The following ARHGEF40 variants were observed in gnomAD, a reference collection of about 807,000 sequenced individuals.
The protein encoded by ARHGEF40 is Rho guanine nucleotide exchange factor (GEF) 40.
In ARHGEF40, 98 loss-of-function variants were observed where a neutral mutation model predicts 165.9. That is an observed-to-expected ratio of 0.59 (90% CI 0.50 to 0.70). ARHGEF40 has a LOEUF of 0.70. Among genes scored for constraint, ARHGEF40 ranks in the 30% least tolerant of loss-of-function variants. The pLI, the probability that ARHGEF40 is intolerant of heterozygous loss-of-function variation, is 0.00. For missense variants in ARHGEF40, 1,815 were observed against 1,968.0 expected, an observed-to-expected ratio of 0.92 and a Z score of 1.47; for synonymous variants, 792 against 814.3, an observed-to-expected ratio of 0.97 and a Z score of 0.47.
intron 11 of ARHGEF40, among the ~76,000 whole-genome samples, chr14:21,080,303 G>A (rs527808871): frequency 2.0e-5 from 3 of 151,548 alleles, no homozygotes; most frequent in Admixed American, 6.6e-5. Flanking sequence ...CTCACCAGTT[G>A]CCAAGGCTTG....
intron 11 of ARHGEF40, 50 bp from the exon 12 acceptor site, chr14:21,080,610 C>T (rs1359379530): frequency 6.4e-7 from 1 of 1,572,542 alleles, no homozygotes; most frequent in Admixed American, 1.8e-5. Flanking sequence ...TCAGCCCTTC[C>T]TTGCCTTTCC....
intron 5 of ARHGEF40, 36 bp from the exon 6 acceptor site, chr14:21,076,324 A>G: frequency 6.3e-7 from 1 of 1,576,646 alleles, no homozygotes; most frequent in Middle Eastern, 1.7e-4. Context: ...CAAAACACAC[A>G]CACAGCAGCC....
At chr14:21,085,636 C>T (rs539185881) in intron 18 of ARHGEF40, 53 bp from the exon 19 acceptor site, 86 of 1,576,624 alleles carry the variant, frequency 5.5e-5, no homozygotes, top group Non-Finnish European at 6.6e-5. Context: ...CATGTGGCGC[C>T]ACCCAGCCAG....
chr14:21,066,213 CAGAAA>C (rs1886253795), upstream of ARHGEF40, among the ~76,000 whole-genome samples: 2 of 151,814 alleles, frequency 1.3e-5, no homozygotes, highest in Admixed American at 6.6e-5. Flanking sequence ...AAAGATGAGG[CAGAAA>C]AGAAAAGGAG....
chr14:21,081,599 G>T lies in ARHGEF40; in HGVS notation c.2731G>T (p.Ala911Ser). 6.2e-7 allele frequency: 1 copy of T among 1,611,254 alleles called. No individual in the cohort carries two copies. Among genetic ancestry groups the T allele is most frequent in the Non-Finnish European group, 8.5e-7 (1 of 1,179,296 alleles). ...GCTGGCTGCACTGGCCCTGCGGCGGGCCCCAGAGCCCAGTGCCGGCACCTT... is the reference window on the plus strand; with the variant it reads ...GCTGGCTGCACTGGCCCTGCGGCGGTCCCCAGAGCCCAGTGCCGGCACCTT... The part of the protein sequence containing the change: ...AVLAALALRR[A>S]PEPSAGTFQE... Residue 911 changes from alanine to serine, a missense_variant, in exon 14 of 24, where the codon GCC becomes TCC. Physicochemically the swap from Ala to Ser is moderately conservative, Grantham distance 99. Transcript: ENST00000298694.
At chr14:21,086,950 G>A (rs1197963835) in intron 19 of ARHGEF40, 51 bp from the exon 20 acceptor site, 3 of 1,463,302 alleles carry the variant, frequency 2.1e-6, no homozygotes, top group Admixed American at 1.9e-5. Flanking sequence ...ACATGCTAGG[G>A]CTAGAGAGAA....
In ARHGEF40 at chr14:21,089,934, C is replaced by T. The variant is rs902823908; in HGVS notation, c.*926C>T. The T allele has an allele frequency of 1.3e-5, 3 of 222,796 alleles. No individual in the cohort carries two copies. The highest frequency in any genetic ancestry group is 5.2e-5 in the Admixed American group (1 of 19,230). 13.8% of individuals were successfully genotyped at this position (222,796 alleles called of 1,614,324 possible). ...TTGGGCCCCATCAGAGCTACTGCAT[C>T]GAAACCTGGGGGTAAAACCCAATAT... On this transcript the variant is annotated 3_prime_UTR_variant, in exon 24 of 24. Transcript: ENST00000298694.
intron 19 of ARHGEF40, chr14:21,086,174 T>A (rs1888316168): frequency 3.1e-6 from 1 of 325,964 alleles, no homozygotes; most frequent in African/African-American, 2.1e-5. Context: ...GGCCAGGTGT[T>A]CAAGACCAGC....
chr14:21,061,942 A>T, the ARHGEF40 span, among the ~76,000 whole-genome samples: 70 of 152,238 alleles, frequency 4.6e-4, no homozygotes, highest in Admixed American at 1.7e-3. Flanking sequence ...TGCCCAAATT[A>T]CTTTATAAGG....
chr14:21,062,141 A>C, the ARHGEF40 span, among the ~76,000 whole-genome samples: 1 of 152,254 alleles, frequency 6.6e-6, no homozygotes, highest in Non-Finnish European at 1.5e-5. Flanking sequence ...AGGAAACATA[A>C]GTGTTAAAAA....
intron 21 of ARHGEF40, 55 bp downstream of exon 21, chr14:21,087,518 C>G: frequency 6.3e-7 from 1 of 1,584,730 alleles, no homozygotes; most frequent in Non-Finnish European, 8.6e-7. Flanking sequence ...TGGTGATGTT[C>G]AGGCTGCTTG....
Position 21,073,132 on chromosome 14 carries a change from C to T in ARHGEF40, c.91C>T (p.Gln31Ter), listed in dbSNP as rs777137642. The change falls in exon 2 of 24, where the codon CAG (glutamine) becomes TAG (stop). Residue 31 changes from glutamine (Q) to a stop codon, truncating the protein, a stop_gained. Coordinates refer to ENST00000298694, the MANE Select transcript of ARHGEF40 (RefSeq NM_018071.5). LOFTEE classifies it high-confidence loss of function. This position sits in a 1 kb window ranked among gnomAD's most constrained non-coding sequence, Gnocchi z 4.6. ...GGCAACAGCCCCCACCCTGTTGGGCCAGGTGTTCCAGGTGGTGGAGAGGAC... is the reference window on the plus strand; with the variant it reads ...GGCAACAGCCCCCACCCTGTTGGGCTAGGTGTTCCAGGTGGTGGAGAGGAC... ...FEATAPTLLG[Q>*]VFQVVERTYR... is the part of the protein sequence containing the mutation. The T allele has an allele frequency of 2.5e-6, 4 of 1,614,058 alleles. No individual in the cohort carries two copies. In the Admixed American group the frequency reaches 6.7e-5, roughly 27 times the overall value.
chr14:21,078,360 T>C lies in ARHGEF40; in HGVS notation c.2131-13T>C. The C allele has an allele frequency of 6.3e-7, 1 of 1,598,490 alleles. No individual in the cohort carries two copies. The highest frequency in any genetic ancestry group is 8.5e-7 in the Non-Finnish European group (1 of 1,170,576). On this transcript the variant is annotated splice_polypyrimidine_tract_variant and intron_variant, in intron 9 of 23. Transcript: ENST00000298694. ...TGGTGGAACCCCAACTGGCAACTCC[T>C]CCCTATCCCCAGGAGGCAGTGGGAA... is the stretch of plus-strand genomic sequence containing the variant.
intron 1 of ARHGEF40, among the ~76,000 whole-genome samples, chr14:21,071,661 A>T (rs1392791795): frequency 1.5e-5 from 2 of 137,648 alleles, no homozygotes; most frequent in African/African-American, 2.7e-5. Flanking sequence ...TCGCTCAGCC[A>T]TGAGCTCACC....
chr14:21,069,788 A>G (rs1007313609), upstream of ARHGEF40, among the ~76,000 whole-genome samples: 2 of 152,154 alleles, frequency 1.3e-5, no homozygotes, highest in Admixed American at 6.5e-5. Flanking sequence ...AGGGGCCTGA[A>G]GGTCTCATTT....
Position 21,090,022 on chromosome 14 carries a change from G to A in ARHGEF40, c.*1014G>A, listed in dbSNP as rs189034600. On this transcript the variant is annotated 3_prime_UTR_variant, in exon 24 of 24. Transcript: ENST00000298694. This position sits in a 1 kb window ranked among gnomAD's most constrained non-coding sequence, Gnocchi z 4.4. ...GTGTCTGAAGAGGTGACTATTTCCTGACAGAAGGACCCAAAGAGGGAAGCA... is the reference window on the plus strand; with the variant it reads ...GTGTCTGAAGAGGTGACTATTTCCTAACAGAAGGACCCAAAGAGGGAAGCA... The A allele has an allele frequency of 1.2e-3, 290 of 248,676 alleles. 3 individuals are homozygous for A. The highest frequency in any genetic ancestry group is 3.6e-4 in the Non-Finnish European group (43 of 120,038). The allele number at this position is 248,676 out of a possible 1,614,324, so 15.4% of individuals were successfully genotyped here. A position where few individuals can be genotyped will look rare whatever the true frequency, so the allele number is the denominator to read the frequency against.
rs1566539885 is a variant in ARHGEF40 at position 21,087,005 on chromosome 14, C to T, written c.4143C>T (p.Leu1381=). The T allele has an allele frequency of 1.9e-6, 3 of 1,598,240 alleles. No individual in the cohort carries two copies. Among genetic ancestry groups the T allele is most frequent in the African/African-American group, 2.7e-5 (2 of 74,754 alleles). Residue 1381 remains leucine, a synonymous_variant, in exon 20 of 24, where the codon CTC becomes CTT. Coordinates refer to ENST00000298694, the MANE Select transcript of ARHGEF40 (RefSeq NM_018071.5). ...ACAAGTGTCCCTATTCCCCAGAGCTCCGAGTGCAGCAGATGGTGTCCATGG... is the reference window on the plus strand; with the variant it reads ...ACAAGTGTCCCTATTCCCCAGAGCTTCGAGTGCAGCAGATGGTGTCCATGG... ...LWRQAAHNKE[L]RVQQMVSMGI...
chr14:21,084,127 A>C, intron 17 of ARHGEF40, 77 bp downstream of exon 17: 1 of 1,440,400 alleles, frequency 6.9e-7, no homozygotes, highest in East Asian at 2.5e-5. Flanking sequence ...TGGTGACAGG[A>C]GAACCAGGCT....
Position 21,075,001 on chromosome 14 carries a change from A to C in ARHGEF40, c.1271A>C (p.Lys424Thr), listed in dbSNP as rs760234109. ...LGNLPSPSEH[K>T]LPECHLVKEE... is the part of the protein sequence containing the mutation. The stretch of plus-strand genomic sequence containing the variant: ...AATCTGCCCTCACCAAGTGAGCACA[A>C]GCTTCCAGAATGCCACCTGGTTAAG... The change falls in exon 3 of 24, where the codon AAG becomes ACG. Residue 424 changes from lysine (K) to threonine (T), a missense_variant. By Grantham distance (78) the Lys-to-Thr change is moderately conservative. Coordinates refer to ENST00000298694, the MANE Select transcript of ARHGEF40 (RefSeq NM_018071.5). The surrounding 1 kb of genome is among the most constrained non-coding windows in gnomAD (Gnocchi z 4.5). 1 of 1,613,700 alleles carries C rather than the reference A, an allele frequency of 6.2e-7. No homozygotes were observed. Among genetic ancestry groups the C allele is most frequent in the Admixed American group, 1.7e-5 (1 of 59,952 alleles).
Sources: gnomAD v4.1 joint callset for allele counts (sites outside exome capture counted in the v4.1 genomes callset) on GRCh38, gnomAD v4.1.1 for gene constraint, Gnocchi (gnomAD v3.1) non-coding constraint, MANE v1.5 for transcripts, NCBI Gene and HGNC (gene_info 2026-07-23, HGNC 2026-07-21) for gene names.